The following SARS2 variants were observed in gnomAD, a reference collection of about 807,000 sequenced individuals.
SARS2 encodes the protein seryl-tRNA synthetase 2, mitochondrial.
Under a neutral mutation model 66.8 loss-of-function variants are expected in SARS2, and 52 were observed. The ratio of observed to expected loss-of-function variants is 0.78; its 90% CI spans 0.62 to 0.98. The LOEUF (loss-of-function observed/expected upper bound fraction) is 0.98, where lower values mean the gene tolerates loss of function less well. SARS2 is among the 50% of genes least tolerant of loss of function. The pLI is 0.00. For synonymous variants in SARS2, 306 were observed against 281.4 expected (o/e 1.09, Z -0.87); for missense variants, 673 against 706.3 (o/e 0.95, Z 0.53).
At position 38,926,193 on chromosome 19, in the gene SARS2, C is replaced by T. The variant is rs375269693; in HGVS notation, c.363+12G>A. ...GTGGCCACTCCCCACCTACTCAGGG[C>T]ACCATGCTCACCAGCAGGGCCCGCA... On this transcript the variant is annotated intron_variant, in intron 2 of 15. Coordinates refer to ENST00000221431, the MANE Select transcript of SARS2 (RefSeq NM_017827.4). 5.5e-5 allele frequency: 88 copies of T among 1,602,416 alleles called. No individual in the cohort carries two copies. In the African/African-American group the frequency reaches 1.1e-3, roughly 21 times the overall value.
intron 7 of SARS2, 95 bp downstream of exon 7, chr19:38,919,667 A>G: frequency 1.1e-6 from 1 of 914,334 alleles, no homozygotes; most frequent in African/African-American, 1.6e-5. Flanking sequence ...AGCAGTGACT[A>G]GGGCAGAGCA....
intron 1 of SARS2, among the ~76,000 whole-genome samples, chr19:38,928,964 C>T (rs1033432309): frequency 6.6e-6 from 1 of 152,184 alleles, no homozygotes; most frequent in African/African-American, 2.4e-5. Flanking sequence ...CATCTGTACT[C>T]CTAGCACTTT....
At position 38,915,894 on chromosome 19, in the gene SARS2, C is replaced by T. The variant is rs1349241857; in HGVS notation, c.1360G>A (p.Ala454Thr). 35 of 1,613,718 alleles carry T rather than the reference C, an allele frequency of 2.2e-5. No homozygotes were observed. Among genetic ancestry groups the T allele is most frequent in the Non-Finnish European group, 2.5e-5 (30 of 1,179,990 alleles). ...ATGAGAAGGCGGGGGACAGCACAGG[C>T]GGTGGCGTTCACCTGTGAGACAGCC... ...LQFAHTVNAT[A>T]CAVPRLLIAL... Residue 454 changes from alanine (A) to threonine (T), a missense_variant, in exon 15 of 16, where the codon GCC becomes ACC. Coordinates refer to ENST00000221431, the MANE Select transcript of SARS2 (RefSeq NM_017827.4).
intron 3 of SARS2, 82 bp from the exon 4 acceptor site, chr19:38,921,749 GC>G: frequency 1.3e-6 from 2 of 1,564,172 alleles, no homozygotes; most frequent in African/African-American, 1.3e-5. Context: ...GACCGGCAGA[GC>G]CCCTGTGGTG....
intron 1 of SARS2, chr19:38,928,349 G>A (rs1974664504): frequency 6.6e-6 from 1 of 151,624 alleles, no homozygotes; most frequent in African/African-American, 2.4e-5. Flanking sequence ...CTGCACTCAG[G>A]CCTGGGCGAC....
intron 5 of SARS2, among the ~76,000 whole-genome samples, chr19:38,920,635 A>G (rs958391652): frequency 1.6e-4 from 24 of 152,108 alleles, no homozygotes; most frequent in African/African-American, 4.8e-4. Context: ...ATATACAGAC[A>G]CACAGAGACA....
rs181752196 is a variant in SARS2 at position 38,920,235 on chromosome 19, G to T, written c.590-86C>A. ...AGAAGCTTCCAGAGACAGCAGAGAG[G>T]AGGGACGGTGAGAGAAAATAAAGGA... On this transcript the variant is annotated intron_variant, in intron 5 of 15. Coordinates refer to ENST00000221431, the MANE Select transcript of SARS2 (RefSeq NM_017827.4). The T allele has an allele frequency of 6.2e-4, 647 of 1,043,850 alleles. 1 individual carries two copies. The African/African-American group carries it at 9.1e-3, about 15-fold the overall frequency. The allele number at this position is 1,043,850 out of a possible 1,614,324, so 64.7% of individuals were successfully genotyped here.
intron 3 of SARS2, chr19:38,922,019 G>A (rs765983809): frequency 1.3e-6 from 2 of 1,552,788 alleles, no homozygotes; most frequent in South Asian, 1.2e-5. Flanking sequence ...GAGAAAGCTG[G>A]CCTGGGAATG....
intron 3 of SARS2, 80 bp downstream of exon 3, chr19:38,922,158 A>G: frequency 1.3e-6 from 2 of 1,599,608 alleles, no homozygotes; most frequent in Non-Finnish European, 1.7e-6. Context: ...GTTTTCTGTT[A>G]CAATAGTAGA....
chr19:38,923,098 G>T (rs1395886395), intron 2 of SARS2, among the ~76,000 whole-genome samples: 2 of 150,910 alleles, frequency 1.3e-5, no homozygotes, highest in Non-Finnish European at 2.9e-5. Flanking sequence ...GTAGAGACAA[G>T]GTTTCACCAT....
chr19:38,919,609 A>G (rs1362965162), intron 7 of SARS2, among the ~76,000 whole-genome samples, 153 bp downstream of exon 7: 2 of 152,212 alleles, frequency 1.3e-5, no homozygotes, highest in African/African-American at 4.8e-5. Flanking sequence ...CACTTCATAA[A>G]GTTGTCGTAA....
chr19:38,924,014 C>T (rs28375245), intron 2 of SARS2, among the ~76,000 whole-genome samples: 38,207 of 151,490 alleles, frequency 0.25, 5,334 homozygotes, highest in East Asian at 0.44. Context: ...TGCCTGTAAT[C>T]CCAGCGACTC....
chr19:38,926,378 G>C, intron 1 of SARS2, 78 bp from the exon 2 acceptor site: 1 of 1,348,540 alleles, frequency 7.4e-7, no homozygotes. Flanking sequence ...TGGCCACCTG[G>C]ACCTGCGGCG....
At chr19:38,917,605 A>G (rs1974439677) in intron 12 of SARS2, 119 bp downstream of exon 12, 1 of 749,158 alleles carries the variant, frequency 1.3e-6, no homozygotes, top group African/African-American at 1.7e-5. Flanking sequence ...CTTGTACAGG[A>G]AAATGGGGGC....
At chr19:38,920,720 C>A (rs911801187) in intron 5 of SARS2, among the ~76,000 whole-genome samples, 1 of 151,754 alleles carries the variant, frequency 6.6e-6, no homozygotes, top group African/African-American at 2.4e-5. Context: ...CACGCACACA[C>A]AGATACACAC....
chr19:38,930,638 A>C lies in SARS2; in HGVS notation c.99T>G (p.Ser33Arg), dbSNP rs1411162596. The C allele has an allele frequency of 6.2e-7, 1 of 1,613,972 alleles. No individual in the cohort carries two copies. The highest frequency in any genetic ancestry group is 1.7e-5 in the Admixed American group (1 of 60,010). Reference sequence around the variant, plus strand: ...TCCGGTTTCGTTTCTCTGTAGTGAAACTTCTCCTTGGACTATCGTTGGAGA... The same window carrying C: ...TCCGGTTTCGTTTCTCTGTAGTGAACCTTCTCCTTGGACTATCGTTGGAGA... The part of the protein sequence containing the change: ...GCISNDSPRR[S>R]FTTEKRNRNL... Residue 33 changes from serine (S) to arginine (R), a missense_variant, in exon 1 of 16, where the codon AGT (serine) becomes AGG (arginine). Coordinates refer to ENST00000221431, the MANE Select transcript of SARS2 (RefSeq NM_017827.4).
chr19:38,923,772 A>T (rs1456977816), intron 2 of SARS2, among the ~76,000 whole-genome samples: 2 of 151,554 alleles, frequency 1.3e-5, no homozygotes, highest in African/African-American at 4.8e-5. Flanking sequence ...CGAGGTCAGG[A>T]GATCGAGACC....
At chr19:38,921,843 G>T in intron 3 of SARS2, 176 bp from the exon 4 acceptor site, 1 of 1,326,046 alleles carries the variant, frequency 7.5e-7, no homozygotes, top group Non-Finnish European at 1.0e-6. Context: ...GGTTTGTGGG[G>T]AAAAGAATCA....
chr19:38,922,775 C>A (rs919996034), intron 2 of SARS2, among the ~76,000 whole-genome samples: 3 of 152,160 alleles, frequency 2.0e-5, no homozygotes, highest in East Asian at 1.9e-4. Context: ...CTGTCTCCAG[C>A]CACCATGTGG....
Sources: allele counts gnomAD v4.1 joint callset (sites outside exome capture counted in the v4.1 genomes callset), GRCh38; gene constraint gnomAD v4.1.1; transcripts MANE v1.5; gene names NCBI Gene and HGNC (gene_info 2026-07-23, HGNC 2026-07-21).